CIT: variants seen among roughly 807,000 people sequenced by gnomAD.
CIT encodes the protein citron Rho-interacting kinase.
In CIT, 79 loss-of-function variants were observed where a neutral mutation model predicts 272.7. The observed-to-expected ratio is 0.29, with a 90% CI of 0.24 to 0.35. CIT has a LOEUF of 0.35. Among genes scored for constraint, CIT ranks in the 10% least tolerant of loss-of-function variants. The pLI, the probability that CIT is intolerant of heterozygous loss-of-function variation, is 1.00. For missense variants in CIT, 1,909 were observed against 2,618.3 expected (o/e 0.73, Z 5.91); for synonymous variants, 948 against 995.6 (o/e 0.95, Z 0.90).
chr12:119,732,600 T>C (rs566744559), intron 26 of CIT, among the ~76,000 whole-genome samples: 50 of 152,334 alleles, frequency 3.3e-4, no homozygotes, highest in Non-Finnish European at 4.0e-4. Flanking sequence ...ATTTCTACCA[T>C]TTCTTTTGAA....
At chr12:119,833,961 TG>T in intron 6 of CIT, 124 bp downstream of exon 6, 1 of 999,510 alleles carries the variant, frequency 1.0e-6, no homozygotes, top group Non-Finnish European at 1.4e-6. Flanking sequence ...ATTGGTAGAC[TG>T]GCTAAAAACT....
At chr12:119,862,962 G>A (rs1950402644) in intron 3 of CIT, among the ~76,000 whole-genome samples, 1 of 149,058 alleles carries the variant, frequency 6.7e-6, no homozygotes, top group Admixed American at 6.7e-5. Context: ...AGCACTTTGG[G>A]AAAAAGACGA....
intron 10 of CIT, among the ~76,000 whole-genome samples, chr12:119,797,609 AC>A: frequency 6.6e-6 from 1 of 152,242 alleles, no homozygotes; most frequent in East Asian, 1.9e-4. Context: ...TGTAGCAGAG[AC>A]GACTCTGTTA....
intron 13 of CIT, among the ~76,000 whole-genome samples, chr12:119,779,794 CACCCAGTCTCCT>C: frequency 6.6e-6 from 1 of 152,186 alleles, no homozygotes; most frequent in East Asian, 1.9e-4. Flanking sequence ...GCTCTCGGGG[CACCCAGTCTCCT>C]ACAAGCATCA....
rs1967831816 is a variant in CIT at position 119,822,815 on chromosome 12, C to T, written c.1111+5G>A. ...TCCCAAATTAAGGAAAACAGCCCTA[C>T]TTACAGTTACGAATGTTGTTCCAGT... On this transcript the variant is annotated splice_donor_5th_base_variant and intron_variant, in intron 9 of 47. Coordinates refer to ENST00000392521, the MANE Select transcript of CIT (RefSeq NM_001206999.2). 8.1e-6 allele frequency: 13 copies of T among 1,613,932 alleles called. No homozygotes were observed. The highest frequency in any genetic ancestry group is 9.3e-6 in the Non-Finnish European group (11 of 1,179,968).
chr12:119,725,011 G>A (rs1165753956), intron 28 of CIT, among the ~76,000 whole-genome samples: 1 of 150,010 alleles, frequency 6.7e-6, no homozygotes. Flanking sequence ...GGAAAAATGT[G>A]AAAGATCCAT....
intron 17 of CIT, among the ~76,000 whole-genome samples, chr12:119,771,537 G>A (rs1963150409): frequency 6.6e-6 from 1 of 152,164 alleles, no homozygotes; most frequent in Non-Finnish European, 1.5e-5. Flanking sequence ...GTGAAAAGCA[G>A]AAAGGTCAAA....
chr12:119,782,334 G>T (rs896463208), intron 13 of CIT, 184 bp downstream of exon 13: 2 of 554,946 alleles, frequency 3.6e-6, no homozygotes, highest in Admixed American at 3.1e-5. Flanking sequence ...AGCATTCTAT[G>T]ATGTATATAA....
intron 13 of CIT, among the ~76,000 whole-genome samples, chr12:119,779,120 T>C (rs1490564028): frequency 6.6e-6 from 1 of 152,114 alleles, no homozygotes; most frequent in Admixed American, 6.6e-5. Flanking sequence ...CTTGGAAGGC[T>C]GAGACAGGAG....
chr12:119,757,250 G>T, intron 22 of CIT, 121 bp downstream of exon 22: 2 of 1,259,862 alleles, frequency 1.6e-6, no homozygotes, highest in Non-Finnish European at 2.2e-6. Flanking sequence ...CCTCAAGTCT[G>T]CCCCCTTAAC....
At chr12:119,817,741 A>T (rs1189819633) in intron 9 of CIT, among the ~76,000 whole-genome samples, 3 of 152,158 alleles carry the variant, frequency 2.0e-5, no homozygotes, top group Non-Finnish European at 4.4e-5. Flanking sequence ...AACATACTGT[A>T]GAAATTCAAA....
chr12:119,844,485 C>T (rs527614007), intron 5 of CIT, among the ~76,000 whole-genome samples: 2 of 152,210 alleles, frequency 1.3e-5, no homozygotes, highest in South Asian at 2.1e-4. Flanking sequence ...TTGCCAAAAA[C>T]TGAGTTCAAA....
chr12:119,774,357 A>G (rs1253332837), intron 16 of CIT, among the ~76,000 whole-genome samples: 1 of 152,202 alleles, frequency 6.6e-6, no homozygotes, highest in Non-Finnish European at 1.5e-5. Flanking sequence ...CCAAGCCAGC[A>G]AACACATTCA....
intron 5 of CIT, among the ~76,000 whole-genome samples, chr12:119,834,711 A>G (rs1365724758): frequency 6.6e-6 from 1 of 152,230 alleles, no homozygotes; most frequent in African/African-American, 2.4e-5. Flanking sequence ...TCAAAATTTA[A>G]ATGTGAAAAT....
rs934659399 is a variant in CIT, at chr12:119,690,641, G to A, written c.5883-187C>T. 2.0e-5 allele frequency among the ~76,000 whole-genome samples: 3 copies of A among 152,216 alleles called. No homozygotes were observed. Among genetic ancestry groups the A allele is most frequent in the South Asian group, 2.1e-4 (1 of 4,836 alleles). The stretch of plus-strand genomic sequence containing the variant: ...CAAAGACAGGGAAGAGAGCAAAGAT[G>A]GCAACAAAAGACAACCCACCTTCCT... On this transcript the variant is annotated intron_variant, in intron 46 of 47. Coordinates refer to ENST00000392521, the MANE Select transcript of CIT (RefSeq NM_001206999.2). This position sits in a 1 kb window ranked among gnomAD's most constrained non-coding sequence, Gnocchi z 6.0.
At chr12:119,780,485 C>T (rs1460812110) in intron 13 of CIT, among the ~76,000 whole-genome samples, 8 of 151,890 alleles carry the variant, frequency 5.3e-5, no homozygotes, top group African/African-American at 9.7e-5. Flanking sequence ...GGTGTGGCGG[C>T]GTGCACCTGT....
chr12:119,712,435 C>T lies in CIT; in HGVS notation c.4685-88G>A, dbSNP rs977546321. On this transcript the variant is annotated intron_variant, in intron 36 of 47. Coordinates refer to ENST00000392521, the MANE Select transcript of CIT (RefSeq NM_001206999.2). This position sits in a 1 kb window ranked among gnomAD's most constrained non-coding sequence, Gnocchi z 5.2. Reference sequence around the variant, plus strand: ...GGGCCTGAGAGATCAAAGATGCCCACCAAACCACGCAAATCCCAGTTACCG... The same window carrying T: ...GGGCCTGAGAGATCAAAGATGCCCATCAAACCACGCAAATCCCAGTTACCG... The T allele has an allele frequency of 1.3e-5, 19 of 1,464,776 alleles. No individual in the cohort carries two copies. The South Asian group carries it at 2.4e-4, about 19-fold the overall frequency. The allele number at this position is 1,464,776 out of a possible 1,614,324, so 90.7% of individuals were successfully genotyped here.
In CIT at chr12:119,698,189, C is replaced by T. The variant is rs139944316; in HGVS notation, c.5624-135G>A. 2.6e-4 allele frequency: 197 copies of T among 753,598 alleles called. 1 individual carries two copies. Among genetic ancestry groups the T allele is most frequent in the African/African-American group, 2.4e-3 (139 of 58,780 alleles). 46.7% of individuals were successfully genotyped at this position (753,598 alleles called of 1,614,324 possible). A position where few individuals can be genotyped will look rare whatever the true frequency, so the allele number is the denominator to read the frequency against. On this transcript the variant is annotated intron_variant, in intron 44 of 47. Transcript: ENST00000392521. ...CTCACCCAACAAATACATATCTATG[C>T]GCCAGAACAGTCATGCATGTTCGAG...
intron 9 of CIT, among the ~76,000 whole-genome samples, chr12:119,821,954 T>C (rs1967759424): frequency 6.6e-6 from 1 of 152,184 alleles, no homozygotes; most frequent in Non-Finnish European, 1.5e-5. Context: ...TTTTTTACCA[T>C]ACTATGTCCT....
Sources: gnomAD v4.1 joint callset for allele counts (sites outside exome capture counted in the v4.1 genomes callset) on GRCh38, gnomAD v4.1.1 for gene constraint, Gnocchi (gnomAD v3.1) non-coding constraint, MANE v1.5 for transcripts, NCBI Gene and HGNC (gene_info 2026-07-23, HGNC 2026-07-21) for gene names.